The following PIGV variants were observed in gnomAD, a reference collection of about 807,000 sequenced individuals.
The protein encoded by PIGV is phosphatidylinositol glycan anchor biosynthesis class V.
PIGV carries 27 observed loss-of-function variants against 39.2 expected under a neutral mutation model. The ratio of observed to expected loss-of-function variants is 0.69; its 90% CI spans 0.51 to 0.95. The LOEUF is 0.95. PIGV is among the 40% of genes least tolerant of loss of function. PIGV has a pLI of 0.00. For synonymous variants in PIGV, 232 were observed against 241.7 expected, an observed-to-expected ratio of 0.96 and a Z score of 0.37; for missense variants, 523 against 586.4, an observed-to-expected ratio of 0.89 and a Z score of 1.12.
At chr1:26,789,481 C>T (rs1029270465) in intron 1 of PIGV, among the ~76,000 whole-genome samples, 1 of 152,204 alleles carries the variant, frequency 6.6e-6, no homozygotes, top group Non-Finnish European at 1.5e-5. Flanking sequence ...ACTTGGGGCA[C>T]TGATTTCATA....
At position 26,794,685 on chromosome 1, in the gene PIGV, A is replaced by T; in HGVS notation, c.651A>T (p.Gln217His). 5.0e-6 allele frequency: 8 copies of T among 1,614,184 alleles called. No individual in the cohort carries two copies. The highest frequency in any genetic ancestry group is 6.8e-6 in the Non-Finnish European group (8 of 1,180,032). The change falls in exon 3 of 4, where the codon CAA (glutamine) becomes CAT (histidine). Residue 217 changes from glutamine (Q) to histidine (H), a missense_variant. By Grantham distance (24) the Gln-to-His change is conservative. Coordinates refer to ENST00000674202, the MANE Select transcript of PIGV (RefSeq NM_017837.4). The part of the protein sequence containing the change: ...LVSVGFLMHS[Q>H]CQGFFSSLTM... ...GTGTTGGCTTCCTCATGCATTCTCA[A>T]TGCCAAGGCTTTTTCTCTTCTCTAA...
upstream of PIGV, chr1:26,787,877 G>C (rs1411937299): frequency 6.6e-6 from 1 of 152,298 alleles, no homozygotes; most frequent in South Asian, 2.1e-4. Context: ...CAACATGGCC[G>C]CCGCGCAGGG....
intron 2 of PIGV, among the ~76,000 whole-genome samples, chr1:26,791,296 C>T (rs562233347): frequency 2.0e-5 from 3 of 152,236 alleles, no homozygotes; most frequent in African/African-American, 7.2e-5. Flanking sequence ...AGCATTGTGT[C>T]AGTTGAGTGG....
Position 26,800,161 on chromosome 1 carries a change from C to G in PIGV, c.*2317C>G, listed in dbSNP as rs138842328. 9.9e-4 allele frequency among the ~76,000 whole-genome samples: 150 copies of G among 152,156 alleles called. 1 individual carries two copies. The highest frequency in any genetic ancestry group is 3.5e-3 in the African/African-American group (144 of 41,520). On this transcript the variant is annotated 3_prime_UTR_variant, in exon 4 of 4. Transcript: ENST00000674202. ...GTGGGTGCACCTGGCATGAGCTGGA[C>G]AAGGTTTTCTCTCTGACCTTGCAGG...
In PIGV at chr1:26,798,361, T is replaced by TA. The variant is rs780242432; in HGVS notation, c.*518dup. On this transcript the variant is annotated 3_prime_UTR_variant, in exon 4 of 4. Coordinates refer to ENST00000674202, the MANE Select transcript of PIGV (RefSeq NM_017837.4). ...CATGTATTTTTATATGAAAAAAACT[T>TA]ACAAAGATATGCAAATTAAACTTCT... 119 of 157,532 alleles carry TA rather than the reference T, an allele frequency of 7.6e-4. No homozygotes were observed. The highest frequency in any genetic ancestry group is 8.7e-4 in the Non-Finnish European group (62 of 71,226). 9.8% of individuals were successfully genotyped at this position (157,532 alleles called of 1,614,324 possible).
Position 26,794,925 on chromosome 1 carries a change from C to G in PIGV, c.891C>G (p.Phe297Leu). 6.2e-7 allele frequency: 1 copy of G among 1,614,162 alleles called. No homozygotes were observed. Among genetic ancestry groups the G allele is most frequent in the Admixed American group, 1.7e-5 (1 of 60,022 alleles). Residue 297 changes from phenylalanine (F) to leucine (L), a missense_variant, in exon 3 of 4, where the codon TTC (phenylalanine) becomes TTG (leucine). Physicochemically the swap from Phe to Leu is conservative, Grantham distance 22. Coordinates refer to ENST00000674202, the MANE Select transcript of PIGV (RefSeq NM_017837.4). ...AGGGAAATGAACCGCCTTGGTGCTT[C>G]TGGGATGTTCCACTAATATACAGCT... ...IAEGNEPPWC[F>L]WDVPLIYSYI... is the part of the protein sequence containing the mutation.
Position 26,797,801 on chromosome 1 carries a change from T to C in PIGV, c.1439T>C (p.Leu480Pro). 1 of 1,614,150 alleles carries C rather than the reference T, an allele frequency of 6.2e-7. No individual in the cohort carries two copies. Among genetic ancestry groups the C allele is most frequent in the Non-Finnish European group, 8.5e-7 (1 of 1,179,998 alleles). The change falls in exon 4 of 4, where the codon CTC becomes CCC. Residue 480 changes from leucine to proline, a missense_variant. Leu to Pro is a moderately conservative substitution (Grantham distance 98, BLOSUM62 -3). Coordinates refer to ENST00000674202, the MANE Select transcript of PIGV (RefSeq NM_017837.4). ...YILGYFLTYW[L>P]LGLLLHCNFL... Reference sequence around the variant, plus strand: ...CTAGGCTACTTCCTGACTTACTGGCTCCTGGGACTACTCCTACATTGCAAC... The same window carrying C: ...CTAGGCTACTTCCTGACTTACTGGCCCCTGGGACTACTCCTACATTGCAAC...
chr1:26,787,575 T>C (rs1349875363), upstream of PIGV: 1 of 152,266 alleles, frequency 6.6e-6, no homozygotes, highest in Non-Finnish European at 1.5e-5. Flanking sequence ...TGTGCTGAGC[T>C]GTTGTTGCCT....
At position 26,797,572 on chromosome 1, in the gene PIGV, A is replaced by G; in HGVS notation, c.1210A>G (p.Arg404Gly). Residue 404 changes from arginine (R) to glycine (G), a missense_variant, in exon 4 of 4, where the codon AGG (arginine) becomes GGG (glycine). By Grantham distance (125) the Arg-to-Gly change is moderately radical. Coordinates refer to ENST00000674202, the MANE Select transcript of PIGV (RefSeq NM_017837.4). ...CTCTCATGATTTCTAGGTTCTCACC[A>G]GGTTTTTGGGCTCCTCCACTCCTAT... ...GLCMHVQVLT[R>G]FLGSSTPIMY... 1.2e-6 allele frequency: 2 copies of G among 1,614,000 alleles called. No individual in the cohort carries two copies. The highest frequency in any genetic ancestry group is 1.7e-6 in the Non-Finnish European group (2 of 1,179,868).
rs1570651255 is a variant in PIGV, at chr1:26,800,025, G to A, written c.*2181G>A. Among the ~76,000 whole-genome samples, 2 of 152,226 alleles carry A rather than the reference G, an allele frequency of 1.3e-5. No homozygotes were observed. The highest frequency in any genetic ancestry group is 1.3e-4 in the Admixed American group (2 of 15,278). ...ACTGATTATTCCTCTACTGGAAGAG[G>A]TGACTCAGACCCCACAGAGTAGGTG... is the stretch of plus-strand genomic sequence containing the variant. On this transcript the variant is annotated 3_prime_UTR_variant, in exon 4 of 4. Transcript: ENST00000674202.
In PIGV at chr1:26,798,381, ACTT is replaced by A. The variant is rs2081413860; in HGVS notation, c.*541_*543del. 6.4e-6 allele frequency: 1 copy of A among 157,218 alleles called. No homozygotes were observed. The highest frequency in any genetic ancestry group is 2.4e-5 in the African/African-American group (1 of 41,454). The allele number at this position is 157,218 out of a possible 1,614,324, so 9.7% of individuals were successfully genotyped here. ...AAACTTACAAAGATATGCAAATTAA[ACTT>A]CTTTCAGTTATACATGCAATGAATT... On this transcript the variant is annotated 3_prime_UTR_variant, in exon 4 of 4. Transcript: ENST00000674202.
chr1:26,793,446 T>C (rs901032602), intron 2 of PIGV, among the ~76,000 whole-genome samples: 1 of 152,210 alleles, frequency 6.6e-6, no homozygotes, highest in African/African-American at 2.4e-5. Context: ...ACCAGCAGCA[T>C]TTAACAGAGT....
intron 3 of PIGV, among the ~76,000 whole-genome samples, chr1:26,797,242 A>G (rs2081395669): frequency 6.6e-6 from 1 of 152,198 alleles, no homozygotes; most frequent in Admixed American, 6.5e-5. Flanking sequence ...CCCCAAATCA[A>G]TATCACAGAG....
chr1:26,798,130 G>T lies in PIGV; in HGVS notation c.*286G>T. The T allele has an allele frequency of 2.2e-6, 1 of 452,900 alleles. No homozygotes were observed. Among genetic ancestry groups the T allele is most frequent in the Non-Finnish European group, 4.1e-6 (1 of 244,002 alleles). The allele number at this position is 452,900 out of a possible 1,614,324, so 28.1% of individuals were successfully genotyped here. On this transcript the variant is annotated 3_prime_UTR_variant, in exon 4 of 4. Coordinates refer to ENST00000674202, the MANE Select transcript of PIGV (RefSeq NM_017837.4). ...ATCTGTCTAGTCAATCAACATAGCA[G>T]AGACAGTCTTAAACCTACCATTGAC...
chr1:26,792,202 G>A (rs931274019), intron 2 of PIGV, among the ~76,000 whole-genome samples: 4 of 152,074 alleles, frequency 2.6e-5, no homozygotes, highest in Non-Finnish European at 5.9e-5. Flanking sequence ...CCCCAGGCTG[G>A]AGTGCAAAGG....
rs2081347353 is a variant in PIGV, at chr1:26,794,123, A to G, written c.89A>G (p.Asn30Ser). The change falls in exon 3 of 4, where the codon AAT becomes AGT. Residue 30 changes from asparagine to serine, a missense_variant. Asn to Ser is a conservative substitution (Grantham distance 46). Transcript: ENST00000674202. ...ILTLMLQALFNAIIPDHHAEA... is the reference protein window; with the variant it reads ...ILTLMLQALFSAIIPDHHAEA... ...TTCTTTACTCCACAGGCCCTCTTCAATGCCATCATCCCAGATCACCATGCA... is the reference window on the plus strand; with the variant it reads ...TTCTTTACTCCACAGGCCCTCTTCAGTGCCATCATCCCAGATCACCATGCA... The G allele has an allele frequency of 1.2e-6, 2 of 1,614,210 alleles. No homozygotes were observed. The highest frequency in any genetic ancestry group is 8.5e-7 in the Non-Finnish European group (1 of 1,180,024).
chr1:26,795,352 A>C (rs2081367686), intron 3 of PIGV, 118 bp downstream of exon 3: 1 of 1,203,696 alleles, frequency 8.3e-7, no homozygotes, highest in Non-Finnish European at 1.2e-6. Flanking sequence ...TTATTCATTC[A>C]ATGACTATTT....
chr1:26,794,697 TTTCTC>T lies in PIGV; in HGVS notation c.670_674del (p.Ser224AsnfsTer11). ...TCATGCATTCTCAATGCCAAGGCTT[TTTCTC>T]TTCTCTAACGATGCTGAATCCTCTG... On this transcript the variant is annotated frameshift_variant, in exon 3 of 4. Coordinates refer to ENST00000674202, the MANE Select transcript of PIGV (RefSeq NM_017837.4). LOFTEE classifies it high-confidence loss of function. 6.2e-7 allele frequency: 1 copy of T among 1,614,226 alleles called. No individual in the cohort carries two copies. The highest frequency in any genetic ancestry group is 8.5e-7 in the Non-Finnish European group (1 of 1,180,038).
Position 26,794,139 on chromosome 1 carries a change from T to C in PIGV, c.105T>C (p.Asp35=), listed in dbSNP as rs1557627914. The part of the protein sequence containing the change: ...LQALFNAIIP[D]HHAEAFSPPR... ...CCCTCTTCAATGCCATCATCCCAGA[T>C]CACCATGCAGAAGCCTTCTCTCCTC... is the stretch of plus-strand genomic sequence containing the variant. Residue 35 remains aspartate (D), a synonymous_variant, in exon 3 of 4, where the codon GAT becomes GAC. Coordinates refer to ENST00000674202, the MANE Select transcript of PIGV (RefSeq NM_017837.4). 1.2e-6 allele frequency: 2 copies of C among 1,614,246 alleles called. No homozygotes were observed. The highest frequency in any genetic ancestry group is 3.3e-5 in the Admixed American group (2 of 60,032).
Sources: allele counts gnomAD v4.1 joint callset (sites outside exome capture counted in the v4.1 genomes callset), GRCh38; gene constraint gnomAD v4.1.1; transcripts MANE v1.5; gene names NCBI Gene and HGNC (gene_info 2026-07-23, HGNC 2026-07-21).